The following ANKRD30A variants were observed in gnomAD, a reference collection of about 807,000 sequenced individuals.
ANKRD30A encodes the protein ankyrin repeat domain 30A, also known as ankyrin repeat domain-containing protein 30A.
ANKRD30A carries 170 observed loss-of-function variants against 166.3 expected under a neutral mutation model. That is an observed-to-expected ratio of 1.02 (90% CI 0.90 to 1.16). The LOEUF (loss-of-function observed/expected upper bound fraction) is 1.16. Among genes scored for constraint, ANKRD30A ranks in the 50% most tolerant of loss-of-function variants. ANKRD30A has a pLI of 0.00. For synonymous variants in ANKRD30A, 564 were observed against 508.9 expected (o/e 1.11, Z -1.46); for missense variants, 1,630 against 1,518.0 (o/e 1.07, Z -1.23).
chr10:37,147,402 G>A lies in ANKRD30A; in HGVS notation c.1488G>A (p.Val496=). The change falls in exon 9 of 36, where the codon GTG becomes GTA. Residue 496 remains valine, a synonymous_variant. Coordinates refer to ENST00000361713, the MANE Select transcript of ANKRD30A (RefSeq NM_052997.3). ...TTGAGAGTTCTGCAAAGATTCAAGT[G>A]TGTATACCTGAGTCTATATATCAAA... ...SLFESSAKIQ[V]CIPESIYQKV... 6.3e-7 allele frequency: 1 copy of A among 1,598,830 alleles called. No individual in the cohort carries two copies. Among genetic ancestry groups the A allele is most frequent in the Non-Finnish European group, 8.5e-7 (1 of 1,172,878 alleles).
downstream of ANKRD30A, among the ~76,000 whole-genome samples, chr10:37,237,550 A>G (rs1843716603): frequency 1.3e-5 from 2 of 152,196 alleles, no homozygotes; most frequent in Non-Finnish European, 1.5e-5. Context: ...CTAATTTCCT[A>G]AAAATTGTGG....
rs1835970223 is a variant in ANKRD30A at position 37,125,875 on chromosome 10, G to T, written c.88G>T (p.Asp30Tyr). 1.3e-6 allele frequency: 2 copies of T among 1,505,232 alleles called. No individual in the cohort carries two copies. The highest frequency in any genetic ancestry group is 1.1e-5 in the South Asian group (1 of 87,848). 93.2% of individuals were successfully genotyped at this position (1,505,232 alleles called of 1,614,324 possible). Residue 30 changes from aspartate to tyrosine, a missense_variant, in exon 1 of 36, where the codon GAC (aspartate) becomes TAC (tyrosine). Transcript: ENST00000361713. ...CAGCCAGCTAGTCTATACCAGCAAC[G>T]ACTCCTACATCGTCCACTCTGGGGA... The part of the protein sequence containing the change: ...PFSQLVYTSN[D>Y]SYIVHSGDLR...
intron 6 of ANKRD30A, among the ~76,000 whole-genome samples, chr10:37,137,078 G>C (rs1242491859): frequency 6.6e-6 from 1 of 151,854 alleles, no homozygotes; most frequent in East Asian, 1.9e-4. Flanking sequence ...AACCCTTGGG[G>C]TGATTGATGA....
chr10:37,234,015 A>G (rs1424083716), downstream of ANKRD30A, among the ~76,000 whole-genome samples: 1 of 152,184 alleles, frequency 6.6e-6, no homozygotes, highest in Non-Finnish European at 1.5e-5. Flanking sequence ...TTGAAGGACT[A>G]TCTTATACAG....
In ANKRD30A at chr10:37,197,858, A is replaced by G. The variant is rs77371228; in HGVS notation, c.2716+378A>G. 1.8e-4 allele frequency among the ~76,000 whole-genome samples: 28 copies of G among 152,144 alleles called. 1 individual carries two copies. In the East Asian group the frequency reaches 5.0e-3, roughly 27 times the overall value. The stretch of plus-strand genomic sequence containing the variant: ...CGGGGATCCCATCTTTTACTGATAT[A>G]ACACTCGTGTTTTAACTTGAATTAC... On this transcript the variant is annotated intron_variant, in intron 29 of 35. Coordinates refer to ENST00000361713, the MANE Select transcript of ANKRD30A (RefSeq NM_052997.3).
downstream of ANKRD30A, among the ~76,000 whole-genome samples, chr10:37,234,759 T>G (rs1843600649): frequency 6.6e-6 from 1 of 152,184 alleles, no homozygotes; most frequent in Admixed American, 6.5e-5. Flanking sequence ...TTCTCAAATG[T>G]TCATTCAGTT....
chr10:37,244,615 A>G, the ANKRD30A span, among the ~76,000 whole-genome samples: 1 of 152,116 alleles, frequency 6.6e-6, no homozygotes, highest in East Asian at 1.9e-4. Context: ...AGCATCCTTC[A>G]TCAGGTTACC....
rs1449713908 is a variant in ANKRD30A at position 37,201,149 on chromosome 10, A to C, written c.2779-86A>C. The C allele has an allele frequency of 2.6e-6, 3 of 1,147,998 alleles. No homozygotes were observed. The Admixed American group carries it at 8.5e-5, about 32-fold the overall frequency. The allele number at this position is 1,147,998 out of a possible 1,614,324, so 71.1% of individuals were successfully genotyped here. A position where few individuals can be genotyped will look rare whatever the true frequency, so the allele number is the denominator to read the frequency against. ...GCTTGCAAAATAGGACTTTTTTTTA[A>C]AAAAAGATTTTAATTAGGAAATTTT... On this transcript the variant is annotated intron_variant, in intron 30 of 35. Transcript: ENST00000361713.
chr10:37,165,272 A>T (rs1314460079), intron 18 of ANKRD30A, 117 bp downstream of exon 18: 1 of 1,009,004 alleles, frequency 9.9e-7, no homozygotes, highest in Non-Finnish European at 1.5e-6. Flanking sequence ...ATTATTTTTG[A>T]TGTTTTTCAG....
chr10:37,157,133 C>A (rs1272935631), intron 13 of ANKRD30A, among the ~76,000 whole-genome samples: 3 of 152,136 alleles, frequency 2.0e-5, no homozygotes, highest in Non-Finnish European at 2.9e-5. Context: ...AGATCTATTT[C>A]TATCTCAATG....
intron 21 of ANKRD30A, among the ~76,000 whole-genome samples, chr10:37,171,854 T>C (rs866976843): frequency 2.5e-4 from 37 of 147,894 alleles, no homozygotes; most frequent in Admixed American, 6.7e-4. Context: ...GAAGAAGTAG[T>C]TCAGTTTATG....
chr10:37,199,175 A>G (rs911897945), intron 29 of ANKRD30A, among the ~76,000 whole-genome samples: 2 of 152,162 alleles, frequency 1.3e-5, no homozygotes, highest in African/African-American at 4.8e-5. Flanking sequence ...TTCCTAAAAC[A>G]TATACATACC....
rs370586265 is a variant in ANKRD30A, at chr10:37,165,134, A to G, written c.2043A>G (p.Glu681=). The change falls in exon 18 of 36, where the codon GAA becomes GAG. Residue 681 remains glutamate, a synonymous_variant. Transcript: ENST00000361713. The stretch of plus-strand genomic sequence containing the variant: ...CAGAATCCAAACAAAAGGACTATGA[A>G]GAAAATTCTTGGGATACTGAGGTAC... ...LPSESKQKDY[E]ENSWDTESLC... is the part of the protein sequence containing the mutation. 6.3e-5 allele frequency: 102 copies of G among 1,609,268 alleles called. No individual in the cohort carries two copies. The highest frequency in any genetic ancestry group is 1.7e-4 in the Middle Eastern group (1 of 6,046).
intron 31 of ANKRD30A, among the ~76,000 whole-genome samples, chr10:37,203,498 A>T (rs1841786784): frequency 6.6e-6 from 1 of 152,176 alleles, no homozygotes; most frequent in African/African-American, 2.4e-5. Flanking sequence ...AAATAATAAG[A>T]TCTATTTATG....
intron 31 of ANKRD30A, among the ~76,000 whole-genome samples, chr10:37,214,763 G>C (rs558816491): frequency 5.4e-4 from 81 of 151,290 alleles, no homozygotes; most frequent in South Asian, 5.0e-3. Flanking sequence ...GATGGTATAA[G>C]AAATTACAAT....
At chr10:37,190,297 A>T (rs1295832280) in intron 25 of ANKRD30A, among the ~76,000 whole-genome samples, 1 of 151,824 alleles carries the variant, frequency 6.6e-6, no homozygotes, top group East Asian at 1.9e-4. Context: ...TGGTCCTTGG[A>T]CGTTGCTCTG....
chr10:37,258,856 G>A, the ANKRD30A span, among the ~76,000 whole-genome samples: 2 of 150,916 alleles, frequency 1.3e-5, no homozygotes, highest in Non-Finnish European at 3.0e-5. Context: ...CCAGCTACTC[G>A]GGAGGCTGAG....
chr10:37,214,318 C>T (rs767488830), intron 31 of ANKRD30A, among the ~76,000 whole-genome samples: 1 of 151,328 alleles, frequency 6.6e-6, no homozygotes, highest in African/African-American at 2.4e-5. Flanking sequence ...TTCTTATAGG[C>T]ATTACACAGG....
At position 37,213,544 on chromosome 10, in the gene ANKRD30A, TTTC is replaced by T. The variant is rs1211430978; in HGVS notation, c.2870-2625_2870-2623del. Among the ~76,000 whole-genome samples the T allele has an allele frequency of 3.3e-4, 49 of 146,464 alleles. No homozygotes were observed. In the South Asian group the frequency reaches 4.4e-3, roughly 13 times the overall value. ...CCTCTGCTTCCACTGAGTTTACTTT[TTTC>T]TTCTTCTTCTTTTTTTTTTTTTTTT... is the stretch of plus-strand genomic sequence containing the variant. On this transcript the variant is annotated intron_variant, in intron 31 of 35. Coordinates refer to ENST00000361713, the MANE Select transcript of ANKRD30A (RefSeq NM_052997.3).
Sources: allele counts gnomAD v4.1 joint callset (sites outside exome capture counted in the v4.1 genomes callset), GRCh38; gene constraint gnomAD v4.1.1; transcripts MANE v1.5; gene names NCBI Gene and HGNC (gene_info 2026-07-23, HGNC 2026-07-21).